RYR2: variants seen among roughly 807,000 people sequenced by gnomAD.
The protein encoded by RYR2 is ryanodine receptor 2.
Under a neutral mutation model 601.1 loss-of-function variants are expected in RYR2, and 227 were observed. The ratio of observed to expected loss-of-function variants is 0.38; its 90% CI spans 0.34 to 0.42. RYR2 has a LOEUF of 0.42. Ranked by LOEUF, RYR2 falls within the 10% of genes least tolerant of loss-of-function variation. The pLI is 1.00. For synonymous variants in RYR2, 2,223 were observed against 2,175.1 expected (o/e 1.02, Z -0.61); for missense variants, 4,646 against 6,156.5 (o/e 0.75, Z 8.21).
At chr1:237,077,742 C>T (rs1203606394) in intron 1 of RYR2, among the ~76,000 whole-genome samples, 1 of 152,316 alleles carries the variant, frequency 6.6e-6, no homozygotes, top group African/African-American at 2.4e-5. Flanking sequence ...ACAAGGATAC[C>T]CAGAAATTGA....
At chr1:237,044,640 G>A (rs1328245223) in intron 1 of RYR2, among the ~76,000 whole-genome samples, 2 of 65,908 alleles carry the variant, frequency 3.0e-5, no homozygotes, top group African/African-American at 5.5e-5. Context: ...GTGGAGCAGG[G>A]GGATTTTTTT....
intron 29 of RYR2, among the ~76,000 whole-genome samples, chr1:237,579,672 A>G (rs1361984939): frequency 2.6e-5 from 4 of 152,202 alleles, no homozygotes; most frequent in Non-Finnish European, 5.9e-5. Flanking sequence ...AATTTGTATT[A>G]AAATTATACT....
intron 2 of RYR2, among the ~76,000 whole-genome samples, chr1:237,313,697 G>A (rs1694802931): frequency 6.6e-6 from 1 of 152,164 alleles, no homozygotes; most frequent in African/African-American, 2.4e-5. Context: ...ACTTGTTACA[G>A]CAATGTTGGG....
chr1:237,678,564 A>G (rs1417563945), intron 61 of RYR2, among the ~76,000 whole-genome samples: 1 of 152,240 alleles, frequency 6.6e-6, no homozygotes, highest in East Asian at 1.9e-4. Flanking sequence ...GGAAGATCAG[A>G]GAGGATAAAT....
intron 14 of RYR2, among the ~76,000 whole-genome samples, chr1:237,450,546 T>C (rs1379476767): frequency 6.6e-6 from 1 of 152,180 alleles, no homozygotes; most frequent in African/African-American, 2.4e-5. Flanking sequence ...ATACTTTGTT[T>C]TTTTGGGTTG....
chr1:237,354,158 T>G (rs758440280), intron 3 of RYR2, among the ~76,000 whole-genome samples: 1 of 152,226 alleles, frequency 6.6e-6, no homozygotes, highest in Non-Finnish European at 1.5e-5. Flanking sequence ...TAAGCTTTTC[T>G]TTGGGTATTT....
At chr1:237,719,937 T>G (rs1689580466) in intron 73 of RYR2, among the ~76,000 whole-genome samples, 1 of 152,186 alleles carries the variant, frequency 6.6e-6, no homozygotes. Flanking sequence ...TATATCGAGA[T>G]TTGCAGCAAT....
rs794728724 is a variant in RYR2 at position 237,491,872 on chromosome 1, G to A, written c.1775G>A (p.Gly592Glu). 11 of 1,473,408 alleles carry A rather than the reference G, an allele frequency of 7.5e-6. No homozygotes were observed. The highest frequency in any genetic ancestry group is 2.4e-5 in the East Asian group (1 of 41,818). The allele number at this position is 1,473,408 out of a possible 1,614,324, so 91.3% of individuals were successfully genotyped here. Residue 592 changes from glycine (G) to glutamate (E), a missense_variant, in exon 18 of 105, where the codon GGA becomes GAA. Transcript: ENST00000366574. ...SPEALNIIKEGHIKSIISLLD... is the reference protein window; with the variant it reads ...SPEALNIIKEEHIKSIISLLD... ...GAAGCTCTAAATATTATTAAAGAAG[G>A]ACATATTAAATCTATTATCTCACTT...
At chr1:237,285,619 G>A (rs187146663) in intron 2 of RYR2, among the ~76,000 whole-genome samples, 133 of 152,214 alleles carry the variant, frequency 8.7e-4, no homozygotes, top group African/African-American at 3.0e-3. Context: ...TTCTTTGAAT[G>A]TCTGGTAGAA....
intron 100 of RYR2, among the ~76,000 whole-genome samples, chr1:237,811,305 ACTGC>A (rs989739954): frequency 3.9e-5 from 6 of 152,272 alleles, no homozygotes; most frequent in African/African-American, 1.4e-4. Context: ...ATTTTGATCC[ACTGC>A]CTGTTCTTGA....
rs1660029257 is a variant in RYR2 at position 237,042,505 on chromosome 1, C to A, written c.-17C>A. 8.0e-7 allele frequency: 1 copy of A among 1,249,100 alleles called. No homozygotes were observed. Among genetic ancestry groups the A allele is most frequent in the African/African-American group, 1.5e-5 (1 of 64,672 alleles). 77.4% of individuals were successfully genotyped at this position (1,249,100 alleles called of 1,614,324 possible). A position where few individuals can be genotyped will look rare whatever the true frequency, so the allele number is the denominator to read the frequency against. On this transcript the variant is annotated 5_prime_UTR_variant, in exon 1 of 105. Coordinates refer to ENST00000366574, the MANE Select transcript of RYR2 (RefSeq NM_001035.3). ...CGCGGGGCTCGGGAGCCGGCCCCGGCGAGGAGGCGCGGAACCATGGCCGAT... is the reference window on the plus strand; with the variant it reads ...CGCGGGGCTCGGGAGCCGGCCCCGGAGAGGAGGCGCGGAACCATGGCCGAT...
intron 2 of RYR2, among the ~76,000 whole-genome samples, chr1:237,284,693 C>CACACACAT (rs1691339915): frequency 6.7e-6 from 1 of 149,888 alleles, no homozygotes; most frequent in Non-Finnish European, 1.5e-5. Context: ...TACACACACA[C>CACACACAT]ACACCCATAA....
intron 1 of RYR2, among the ~76,000 whole-genome samples, chr1:237,133,849 C>T (rs1170164582): frequency 3.6e-5 from 5 of 139,158 alleles, no homozygotes; most frequent in Non-Finnish European, 6.0e-5. Context: ...CGCTTGAACC[C>T]GGGAGATGGA....
intron 70 of RYR2, 24 bp downstream of exon 70, chr1:237,709,591 T>C (rs1483309494): frequency 1.3e-6 from 2 of 1,487,336 alleles, no homozygotes; most frequent in Non-Finnish European, 1.9e-6. Flanking sequence ...TATTGATAGA[T>C]CACGCCTACT....
chr1:237,131,875 C>T (rs756898195), intron 1 of RYR2, among the ~76,000 whole-genome samples: 8 of 152,020 alleles, frequency 5.3e-5, no homozygotes, highest in Non-Finnish European at 8.8e-5. Flanking sequence ...CATGCACTAC[C>T]ATGTTTGGCT....
intron 29 of RYR2, among the ~76,000 whole-genome samples, chr1:237,572,555 T>A (rs1314193346): frequency 6.6e-5 from 10 of 152,214 alleles, no homozygotes; most frequent in African/African-American, 1.7e-4. Flanking sequence ...CATAGAATTT[T>A]TAAAATTTAA....
chr1:237,244,441 C>T (rs1159890023), intron 1 of RYR2, among the ~76,000 whole-genome samples: 1 of 151,952 alleles, frequency 6.6e-6, no homozygotes. Context: ...CTATCAGTCA[C>T]GTGTAGAGTA....
intron 2 of RYR2, among the ~76,000 whole-genome samples, chr1:237,312,420 A>G (rs1040671695): frequency 2.2e-4 from 34 of 152,206 alleles, no homozygotes; most frequent in African/African-American, 8.2e-4. Flanking sequence ...ACTTCAAATG[A>G]TGAATTTTAC....
At chr1:237,569,929 G>A (rs1374969194) in intron 29 of RYR2, among the ~76,000 whole-genome samples, 1 of 152,102 alleles carries the variant, frequency 6.6e-6, no homozygotes, top group African/African-American at 2.4e-5. Context: ...TGTAAAGATG[G>A]AGGGTGGGCC....
Sources: allele counts gnomAD v4.1 joint callset (sites outside exome capture counted in the v4.1 genomes callset), GRCh38; gene constraint gnomAD v4.1.1; transcripts MANE v1.5; gene names NCBI Gene and HGNC (gene_info 2026-07-23, HGNC 2026-07-21).